The following DIP2C variants were observed in gnomAD, a reference collection of about 807,000 sequenced individuals.
DIP2C encodes the protein DIP2 acetate--CoA ligase C (putative).
DIP2C carries 33 observed loss-of-function variants against 192.4 expected under a neutral mutation model. The observed-to-expected ratio is 0.17, with a 90% CI of 0.13 to 0.23. DIP2C has a LOEUF of 0.23. DIP2C is among the 10% of genes least tolerant of loss of function. The probability of loss-of-function intolerance (pLI) is 1.00; values close to 1 mark genes in which losing one functional copy is unlikely to be tolerated. For missense variants in DIP2C, 1,537 were observed against 2,110.1 expected, an observed-to-expected ratio of 0.73 and a Z score of 5.32; for synonymous variants, 979 against 864.1, an observed-to-expected ratio of 1.13 and a Z score of -2.33.
intron 3 of DIP2C, among the ~76,000 whole-genome samples, chr10:442,583 T>G (rs1437373343): frequency 1.3e-5 from 2 of 152,204 alleles, no homozygotes; most frequent in African/African-American, 4.8e-5. Flanking sequence ...GCAAGACCAG[T>G]GTAGAGAATT....
At chr10:408,897 G>A in intron 9 of DIP2C, 29 bp downstream of exon 9, 3 of 1,609,036 alleles carry the variant, frequency 1.9e-6, no homozygotes, top group Admixed American at 3.3e-5. Flanking sequence ...CTTGTGTTTT[G>A]TAGATCCAGC....
intron 2 of DIP2C, among the ~76,000 whole-genome samples, chr10:473,405 C>T (rs1222280607): frequency 6.6e-6 from 1 of 152,236 alleles, no homozygotes; most frequent in Non-Finnish European, 1.5e-5. Flanking sequence ...TATGTCATCC[C>T]CACAGTTCCG....
chr10:416,644 G>A (rs1965657040), intron 6 of DIP2C, among the ~76,000 whole-genome samples: 1 of 152,146 alleles, frequency 6.6e-6, no homozygotes, highest in Non-Finnish European at 1.5e-5. Context: ...AATGAATGCT[G>A]CACCATTCTG....
At chr10:505,382 T>A (rs1845526532) in intron 1 of DIP2C, among the ~76,000 whole-genome samples, 1 of 152,232 alleles carries the variant, frequency 6.6e-6, no homozygotes, top group South Asian at 2.1e-4. Context: ...CATCTCCACC[T>A]TCTACTGCCA....
At chr10:443,313 A>C (rs921569529) in intron 3 of DIP2C, among the ~76,000 whole-genome samples, 2 of 152,148 alleles carry the variant, frequency 1.3e-5, no homozygotes, top group Non-Finnish European at 2.9e-5. Flanking sequence ...TTTATCTTTC[A>C]TCACTCATTT....
At chr10:474,550 C>A (rs1970908099) in intron 2 of DIP2C, among the ~76,000 whole-genome samples, 1 of 94,162 alleles carries the variant, frequency 1.1e-5, no homozygotes, top group African/African-American at 3.0e-5. Flanking sequence ...CCACGCCTTT[C>A]TTCCCGCTGG....
intron 13 of DIP2C, among the ~76,000 whole-genome samples, chr10:389,319 G>A (rs1458990991): frequency 2.6e-5 from 4 of 152,096 alleles, no homozygotes; most frequent in African/African-American, 7.2e-5. Flanking sequence ...GAGTCTCTGG[G>A]GTCCCCGGGG....
intron 36 of DIP2C, among the ~76,000 whole-genome samples, 172 bp from the exon 37 acceptor site, chr10:277,749 C>T (rs1954590463): frequency 6.6e-6 from 1 of 152,148 alleles, no homozygotes; most frequent in African/African-American, 2.4e-5. Context: ...CCCATACAGA[C>T]TTCCTGGCGA....
rs892501065 is a variant in DIP2C at position 369,420 on chromosome 10, G to A, written c.2131+74C>T. 34 of 1,459,170 alleles carry A rather than the reference G, an allele frequency of 2.3e-5. 1 individual carries two copies. Among genetic ancestry groups the A allele is most frequent in the African/African-American group, 1.9e-4 (13 of 69,760 alleles). 90.4% of individuals were successfully genotyped at this position (1,459,170 alleles called of 1,614,324 possible). ...CACGGGAACGCGGGAACGTGGGAAC[G>A]CAGGCTTTGGTGACATGTGTTAGAA... On this transcript the variant is annotated intron_variant, in intron 18 of 36. Coordinates refer to ENST00000280886, the MANE Select transcript of DIP2C (RefSeq NM_014974.3).
At chr10:330,373 G>A (rs1308517846) in intron 29 of DIP2C, among the ~76,000 whole-genome samples, 2 of 151,826 alleles carry the variant, frequency 1.3e-5, no homozygotes, top group East Asian at 3.9e-4. Context: ...TCAATTGATG[G>A]GGTAAGTGTG....
rs1954549010 is a variant in DIP2C, at chr10:276,900, T to A, written c.*425A>T. On this transcript the variant is annotated 3_prime_UTR_variant, in exon 37 of 37. Transcript: ENST00000280886. ...CATGTCATTAAGATTTCATGACACATTAAAACAGAGAAAACAATTCTTTGT... is the reference window on the plus strand; with the variant it reads ...CATGTCATTAAGATTTCATGACACAATAAAACAGAGAAAACAATTCTTTGT... 1 of 169,286 alleles carries A rather than the reference T, an allele frequency of 5.9e-6. No homozygotes were observed. Among genetic ancestry groups the A allele is most frequent in the African/African-American group, 2.4e-5 (1 of 41,680 alleles). The allele number at this position is 169,286 out of a possible 1,614,324, so 10.5% of individuals were successfully genotyped here.
At chr10:295,443 C>A (rs896791382) in intron 32 of DIP2C, among the ~76,000 whole-genome samples, 1 of 151,322 alleles carries the variant, frequency 6.6e-6, no homozygotes, top group Non-Finnish European at 1.5e-5. Flanking sequence ...CGCCTGTAAT[C>A]CCAGCTACTC....
At chr10:494,509 A>G (rs754628398) in intron 1 of DIP2C, among the ~76,000 whole-genome samples, 1 of 152,234 alleles carries the variant, frequency 6.6e-6, no homozygotes, top group Non-Finnish European at 1.5e-5. Context: ...CTTTCTGCTC[A>G]GTTGCCTTTT....
intron 17 of DIP2C, among the ~76,000 whole-genome samples, chr10:375,741 A>C (rs1248651586): frequency 6.6e-6 from 1 of 152,176 alleles, no homozygotes; most frequent in African/African-American, 2.4e-5. Context: ...CAAAACAAAC[A>C]CATCAAGTAG....
chr10:419,628 C>T (rs1035494270), intron 5 of DIP2C, among the ~76,000 whole-genome samples: 1 of 152,126 alleles, frequency 6.6e-6, no homozygotes, highest in Non-Finnish European at 1.5e-5. Context: ...TTAAGCTCTC[C>T]GTGCCTCAGT....
intron 1 of DIP2C, among the ~76,000 whole-genome samples, chr10:686,907 A>G (rs946589): frequency 0.9 from 136,605 of 152,326 alleles, 62,016 homozygotes; most frequent in South Asian, 0.97. Context: ...GGCAGCCCAC[A>G]CAGGAACCTC....
At chr10:598,278 G>A (rs1295964937) in intron 1 of DIP2C, among the ~76,000 whole-genome samples, 4 of 151,442 alleles carry the variant, frequency 2.6e-5, no homozygotes, top group Admixed American at 1.3e-4. Context: ...AGCCGGCACC[G>A]GCCACCAAGG....
At chr10:627,442 A>G (rs1342856399) in intron 1 of DIP2C, among the ~76,000 whole-genome samples, 3 of 152,210 alleles carry the variant, frequency 2.0e-5, no homozygotes, top group Non-Finnish European at 4.4e-5. Flanking sequence ...TACTGAGGAA[A>G]AAGGAAAAAG....
At chr10:306,440 T>C (rs954960265) in intron 32 of DIP2C, among the ~76,000 whole-genome samples, 9 of 152,174 alleles carry the variant, frequency 5.9e-5, no homozygotes, top group South Asian at 4.1e-4. Flanking sequence ...CTCAAGGAAA[T>C]TGCATGTGCA....
Sources: allele counts gnomAD v4.1 joint callset (sites outside exome capture counted in the v4.1 genomes callset), GRCh38; gene constraint gnomAD v4.1.1; transcripts MANE v1.5; gene names NCBI Gene and HGNC (gene_info 2026-07-23, HGNC 2026-07-21).